Variants in FBLN5 observed in about 807,000 individuals in gnomAD.
The protein encoded by FBLN5 is fibulin 5.
FBLN5 carries 24 observed loss-of-function variants against 61.6 expected under a neutral mutation model. The observed-to-expected ratio is 0.39, with a 90% CI of 0.28 to 0.55. The LOEUF (loss-of-function observed/expected upper bound fraction) is 0.55, where lower values mean the gene tolerates loss of function less well. Ranked by LOEUF, FBLN5 falls within the 20% of genes least tolerant of loss-of-function variation. The probability of loss-of-function intolerance (pLI) is 0.65; values close to 1 mark genes in which losing one functional copy is unlikely to be tolerated. For synonymous variants in FBLN5, 213 were observed against 219.8 expected, an observed-to-expected ratio of 0.97 and a Z score of 0.27; for missense variants, 470 against 594.1, an observed-to-expected ratio of 0.79 and a Z score of 2.17.
At chr14:91,890,137 G>T (rs565005148) in intron 6 of FBLN5, among the ~76,000 whole-genome samples, 1 of 152,190 alleles carries the variant, frequency 6.6e-6, no homozygotes. Flanking sequence ...CTCTTTTGGC[G>T]TGAGGAACAC....
chr14:91,895,113 A>T lies in FBLN5; in HGVS notation c.380-41T>A, dbSNP rs767276554. Reference sequence around the variant, plus strand: ...AGTCCAAAGAATGTCACTCACATCCATCTAGAGCCCTGGAGCCACCAGGGG... The same window carrying T: ...AGTCCAAAGAATGTCACTCACATCCTTCTAGAGCCCTGGAGCCACCAGGGG... On this transcript the variant is annotated intron_variant, in intron 4 of 10. Transcript: ENST00000342058. The T allele has an allele frequency of 8.7e-6, 14 of 1,612,402 alleles. No homozygotes were observed. In the Admixed American group the frequency reaches 2.2e-4, roughly 25 times the overall value.
intron 4 of FBLN5, among the ~76,000 whole-genome samples, chr14:91,904,221 A>T (rs776587597): frequency 6.6e-6 from 1 of 152,184 alleles, no homozygotes; most frequent in Admixed American, 6.5e-5. Context: ...ATTAAAGCGA[A>T]TTATACTGGA....
At position 91,881,134 on chromosome 14, in the gene FBLN5, C is replaced by CAT. The variant is rs113102377; in HGVS notation, c.989+157_989+158insAT. 0.53 allele frequency among the ~76,000 whole-genome samples: 80,747 copies of CAT among 150,968 alleles called. 21,885 individuals carry two copies. Among genetic ancestry groups the CAT allele is most frequent in the East Asian group, 0.72 (3,718 of 5,130 alleles). On this transcript the variant is annotated intron_variant, in intron 9 of 10. Transcript: ENST00000342058. ...CTGTTCTATTCTACACACACACACACACACACACACACACACACACGCATG... is the reference window on the plus strand; with the variant it reads ...CTGTTCTATTCTACACACACACACACATACACACACACACACACACACGCATG...
chr14:91,918,231 T>A (rs1891276231), intron 4 of FBLN5, among the ~76,000 whole-genome samples: 1 of 152,236 alleles, frequency 6.6e-6, no homozygotes. Context: ...TCTAAGTGAT[T>A]CGAAGCTTTT....
chr14:91,880,534 T>C (rs1011731060), intron 9 of FBLN5, among the ~76,000 whole-genome samples: 21 of 143,100 alleles, frequency 1.5e-4, no homozygotes, highest in Admixed American at 2.0e-4. Context: ...TGCGTGTGTG[T>C]GTGTGTGTGT....
At chr14:91,876,845 A>G (rs1416970021) in intron 10 of FBLN5, among the ~76,000 whole-genome samples, 1 of 152,176 alleles carries the variant, frequency 6.6e-6, no homozygotes, top group East Asian at 1.9e-4. Context: ...ATTGTTTTTC[A>G]GAGATGGGGT....
At chr14:91,894,428 C>CAAAAAAAA (rs1491576623) in intron 5 of FBLN5, among the ~76,000 whole-genome samples, 19 of 72,592 alleles carry the variant, frequency 2.6e-4, no homozygotes, top group Non-Finnish European at 3.3e-4. Flanking sequence ...AAAAAAAAAA[C>CAAAAAAAA]CGAAAAAAAC....
intron 4 of FBLN5, among the ~76,000 whole-genome samples, chr14:91,898,259 G>A (rs934178336): frequency 7.9e-5 from 12 of 152,096 alleles, no homozygotes; most frequent in African/African-American, 2.9e-4. Context: ...CACACCTGGT[G>A]TAATGCTGTG....
At chr14:91,881,163 A>T in intron 9 of FBLN5, 129 bp downstream of exon 9, 1 of 881,020 alleles carries the variant, frequency 1.1e-6, no homozygotes, top group Non-Finnish European at 1.9e-6. Flanking sequence ...ACGCATGAGC[A>T]CATGACGTAG....
chr14:91,925,529 A>C (rs1014094783), intron 4 of FBLN5, among the ~76,000 whole-genome samples: 3 of 152,130 alleles, frequency 2.0e-5, no homozygotes, highest in Non-Finnish European at 2.9e-5. Flanking sequence ...ATGTAATACA[A>C]TTGAGTGGTG....
intron 4 of FBLN5, among the ~76,000 whole-genome samples, chr14:91,918,885 G>A (rs1472160934): frequency 1.3e-5 from 2 of 152,174 alleles, no homozygotes; most frequent in African/African-American, 2.4e-5. Context: ...CTAAGTCTAA[G>A]GTAGATGGTG....
chr14:91,928,187 G>A (rs1441094710), intron 4 of FBLN5, among the ~76,000 whole-genome samples: 2 of 152,238 alleles, frequency 1.3e-5, no homozygotes, highest in Non-Finnish European at 2.9e-5. Flanking sequence ...CAACAGAGAA[G>A]AGCCACGTCA....
chr14:91,915,992 C>A (rs1891184149), intron 4 of FBLN5, among the ~76,000 whole-genome samples: 1 of 152,038 alleles, frequency 6.6e-6, no homozygotes, highest in African/African-American at 2.4e-5. Flanking sequence ...GACAAAAATC[C>A]TAAATAAAAT....
rs537662461 is a variant in FBLN5 at position 91,914,740 on chromosome 14, C to T, written c.380-19668G>A. ...AAAAGCAAAAGGAAAAGAAAGAGAT[C>T]GGGGAGAGCAACAAAGCAAAATATT... On this transcript the variant is annotated intron_variant, in intron 4 of 10. Coordinates refer to ENST00000342058, the MANE Select transcript of FBLN5 (RefSeq NM_006329.4). 4.7e-5 allele frequency among the ~76,000 whole-genome samples: 7 copies of T among 149,916 alleles called. No individual in the cohort carries two copies. The South Asian group carries it at 6.3e-4, about 14-fold the overall frequency.
intron 9 of FBLN5, among the ~76,000 whole-genome samples, chr14:91,880,535 G>A (rs1174695859): frequency 2.8e-5 from 4 of 143,560 alleles, no homozygotes; most frequent in African/African-American, 9.9e-5. Flanking sequence ...GCGTGTGTGT[G>A]TGTGTGTGTG....
intron 4 of FBLN5, among the ~76,000 whole-genome samples, chr14:91,905,969 C>A (rs1382727931): frequency 6.6e-6 from 1 of 152,104 alleles, no homozygotes; most frequent in Non-Finnish European, 1.5e-5. Flanking sequence ...CTCACTGCAA[C>A]CTCTGCCTCC....
intron 4 of FBLN5, among the ~76,000 whole-genome samples, chr14:91,931,460 A>G (rs985552935): frequency 9.2e-5 from 14 of 152,338 alleles, no homozygotes; most frequent in African/African-American, 2.9e-4. Flanking sequence ...ACTCAAGAGA[A>G]AGCCTCAGAC....
In FBLN5 at chr14:91,877,516, C is replaced by T; in HGVS notation, c.1156G>A (p.Gly386Arg). 1.9e-6 allele frequency: 3 copies of T among 1,614,156 alleles called. No homozygotes were observed. The highest frequency in any genetic ancestry group is 2.5e-6 in the Non-Finnish European group (3 of 1,180,024). The change falls in exon 10 of 11, where the codon GGG becomes AGG. Residue 386 changes from glycine to arginine, a missense_variant. Physicochemically the swap from Gly to Arg is moderately radical, Grantham distance 125 (BLOSUM62 -2). Coordinates refer to ENST00000342058, the MANE Select transcript of FBLN5 (RefSeq NM_006329.4). ...GAYYIFQIKS[G>R]NEGREFYMRQ... ...ATGTAAAATTCTCTGCCCTCATTCC[C>T]AGATTTGATCTGGAAAATGTAATAG...
chr14:91,901,756 T>C (rs946574646), intron 4 of FBLN5, among the ~76,000 whole-genome samples: 2 of 152,230 alleles, frequency 1.3e-5, no homozygotes, highest in Non-Finnish European at 2.9e-5. Context: ...GAGCCAGATC[T>C]TTCTGTGTTT....
Sources: allele counts gnomAD v4.1 joint callset (sites outside exome capture counted in the v4.1 genomes callset), GRCh38; gene constraint gnomAD v4.1.1; transcripts MANE v1.5; gene names NCBI Gene and HGNC (gene_info 2026-07-23, HGNC 2026-07-21).